Variants in LUZP1 observed in about 807,000 individuals in gnomAD.
The protein encoded by LUZP1 is leucine zipper protein 1, also known as filamin mechanobinding actin cross-linking protein.
Under a neutral mutation model 71.3 loss-of-function variants are expected in LUZP1, and 25 were observed. That is an observed-to-expected ratio of 0.35 (90% CI 0.26 to 0.49). The LOEUF (loss-of-function observed/expected upper bound fraction) is 0.49. Ranked by LOEUF, LUZP1 falls within the 20% of genes least tolerant of loss-of-function variation. The pLI is 0.99. For missense variants in LUZP1, 1,142 were observed against 1,300.8 expected (o/e 0.88, Z 1.88); for synonymous variants, 481 against 506.4 (o/e 0.95, Z 0.67).
chr1:23,110,653 C>G (rs981992392), intron 2 of LUZP1, among the ~76,000 whole-genome samples: 2 of 152,020 alleles, frequency 1.3e-5, no homozygotes, highest in African/African-American at 4.8e-5. Flanking sequence ...CACACACACA[C>G]ACACACACAC....
At chr1:23,144,409 C>T (rs1490743097) in intron 2 of LUZP1, among the ~76,000 whole-genome samples, 2 of 152,132 alleles carry the variant, frequency 1.3e-5, no homozygotes, top group Non-Finnish European at 2.9e-5. Flanking sequence ...TGTCTCTAAA[C>T]GACTGCAAGA....
At chr1:23,148,241 C>G (rs1323575240) in intron 2 of LUZP1, among the ~76,000 whole-genome samples, 3 of 152,060 alleles carry the variant, frequency 2.0e-5, no homozygotes, top group Non-Finnish European at 4.4e-5. Flanking sequence ...TCTCTCTGGG[C>G]TGAATAATTC....
intron 2 of LUZP1, among the ~76,000 whole-genome samples, chr1:23,114,042 G>A (rs1644057589): frequency 1.3e-5 from 2 of 152,098 alleles, no homozygotes; most frequent in South Asian, 4.1e-4. Context: ...AAATGGAGAT[G>A]ACAGAGGAAA....
At chr1:23,132,187 C>A (rs769237458) in intron 2 of LUZP1, among the ~76,000 whole-genome samples, 7 of 152,246 alleles carry the variant, frequency 4.6e-5, no homozygotes, top group Middle Eastern at 3.4e-3. Context: ...TTTAAGTCAA[C>A]AAATACTCAT....
chr1:23,174,740 G>A (rs902618960), intron 1 of LUZP1, among the ~76,000 whole-genome samples: 1 of 152,104 alleles, frequency 6.6e-6, no homozygotes, highest in African/African-American at 2.4e-5. Flanking sequence ...ACTTTTGCTG[G>A]TTTGCAAACA....
At position 23,093,573 on chromosome 1, in the gene LUZP1, C is replaced by T. The variant is rs1643876112; in HGVS notation, c.689G>A (p.Arg230Lys). 1 of 1,613,740 alleles carries T rather than the reference C, an allele frequency of 6.2e-7. No homozygotes were observed. Among genetic ancestry groups the T allele is most frequent in the African/African-American group, 1.3e-5 (1 of 74,874 alleles). Residue 230 changes from arginine (R) to lysine (K), a missense_variant, in exon 4 of 5, where the codon AGG becomes AAG. Physicochemically the swap from Arg to Lys is conservative, Grantham distance 26. Coordinates refer to ENST00000302291, the Ensembl canonical transcript of LUZP1. This position sits in a 1 kb window ranked among gnomAD's most constrained non-coding sequence, Gnocchi z 4.2. ...ATTTCTTTCCAGATTAGAAGCATTC[C>T]TTGTATAATCTCGGTTCATTTTTTT...
chr1:23,085,776 T>C (rs1017667644), exon 5 of LUZP1: 4 of 152,082 alleles, frequency 2.6e-5, no homozygotes, highest in African/African-American at 4.8e-5. Context: ...CTCTTTCTCA[T>C]TGCCACCCAA....
intron 2 of LUZP1, among the ~76,000 whole-genome samples, chr1:23,137,641 C>CAAAA (rs879363877): frequency 4.2e-5 from 6 of 141,590 alleles, no homozygotes; most frequent in Non-Finnish European, 9.3e-5. Flanking sequence ...AACTCCATCT[C>CAAAA]AAAAAAAAAA....
chr1:23,146,631 CT>C (rs200983986), intron 2 of LUZP1, among the ~76,000 whole-genome samples: 2,731 of 152,052 alleles, frequency 0.018, 35 homozygotes, highest in Middle Eastern at 0.054. Flanking sequence ...AACCCCATCT[CT>C]ATCAAAACAA....
chr1:23,166,048 C>CAAAAAA (rs76454136), intron 2 of LUZP1, among the ~76,000 whole-genome samples: 10 of 98,522 alleles, frequency 1.0e-4, no homozygotes, highest in Non-Finnish European at 2.0e-4. Context: ...GTCTTTTTAC[C>CAAAAAA]AAAAAAAAAA....
chr1:23,096,929 C>T (rs572154860), intron 3 of LUZP1, among the ~76,000 whole-genome samples: 83 of 152,236 alleles, frequency 5.5e-4, no homozygotes, highest in African/African-American at 1.7e-3. Flanking sequence ...GCTGAGATCG[C>T]GCCACTGCAC....
chr1:23,155,431 T>C (rs1644413861), intron 2 of LUZP1, among the ~76,000 whole-genome samples: 1 of 152,254 alleles, frequency 6.6e-6, no homozygotes, highest in Admixed American at 6.5e-5. Flanking sequence ...AGCTTGGCAC[T>C]GACCTTGGGT....
intron 2 of LUZP1, among the ~76,000 whole-genome samples, chr1:23,121,550 T>A (rs1369042199): frequency 6.6e-6 from 1 of 152,086 alleles, no homozygotes; most frequent in East Asian, 1.9e-4. Context: ...AGACCTTGTC[T>A]CTATAAAAAA....
intron 1 of LUZP1, among the ~76,000 whole-genome samples, chr1:23,174,280 G>A (rs541969007): frequency 2.0e-5 from 3 of 152,140 alleles, no homozygotes; most frequent in African/African-American, 4.8e-5. Context: ...CAATGAGAGA[G>A]AGCAAATTTT....
At chr1:23,149,872 G>C (rs1441527694) in intron 2 of LUZP1, among the ~76,000 whole-genome samples, 2 of 138,606 alleles carry the variant, frequency 1.4e-5, no homozygotes, top group African/African-American at 5.4e-5. Context: ...TGAGGCAGGA[G>C]AATTGCTTGA....
intron 4 of LUZP1, chr1:23,090,837 G>A: frequency 4.2e-6 from 3 of 716,350 alleles, no homozygotes; most frequent in South Asian, 3.0e-5. Context: ...CCCATCAGCT[G>A]CAGCTGCTTC....
At chr1:23,106,976 G>A (rs541919094) in intron 3 of LUZP1, among the ~76,000 whole-genome samples, 9 of 152,344 alleles carry the variant, frequency 5.9e-5, no homozygotes, top group African/African-American at 2.2e-4. Context: ...GGCCCTACAT[G>A]ATCTAGGTCC....
chr1:23,118,242 C>T (rs1444500844), intron 2 of LUZP1, among the ~76,000 whole-genome samples: 1 of 151,596 alleles, frequency 6.6e-6, no homozygotes, highest in South Asian at 2.1e-4. Flanking sequence ...TCTCTAAACA[C>T]AAAAATTAGC....
chr1:23,108,680 CTT>C (rs1644003829), intron 3 of LUZP1, among the ~76,000 whole-genome samples: 1 of 152,212 alleles, frequency 6.6e-6, no homozygotes, highest in South Asian at 2.1e-4. Context: ...TATTTAACCT[CTT>C]TAAGCTTGTT....
Sources: allele counts gnomAD v4.1 joint callset (sites outside exome capture counted in the v4.1 genomes callset), GRCh38; gene constraint gnomAD v4.1.1; non-coding constraint Gnocchi (gnomAD v3.1); transcripts MANE v1.5; gene names NCBI Gene and HGNC (gene_info 2026-07-23, HGNC 2026-07-21).